The following SEMA3A variants were observed in gnomAD, a reference collection of about 807,000 sequenced individuals.
The protein encoded by SEMA3A is semaphorin-3A.
Under a neutral mutation model 97.9 loss-of-function variants are expected in SEMA3A, and 29 were observed. The observed-to-expected ratio is 0.30, with a 90% CI of 0.22 to 0.40. SEMA3A has a LOEUF of 0.40. Among genes scored for constraint, SEMA3A ranks in the 10% least tolerant of loss-of-function variants. SEMA3A has a pLI of 1.00. For synonymous variants in SEMA3A, 321 were observed against 323.7 expected (o/e 0.99, Z 0.09); for missense variants, 763 against 951.3 (o/e 0.80, Z 2.60).
intron 1 of SEMA3A, among the ~76,000 whole-genome samples, chr7:84,383,587 G>A (rs2706905): frequency 6.6e-6 from 1 of 151,944 alleles, no homozygotes; most frequent in Non-Finnish European, 1.5e-5. Context: ...ACCTGAGAAG[G>A]CATCTAATTA....
chr7:84,264,157 T>C (rs951430259), intron 3 of SEMA3A, among the ~76,000 whole-genome samples: 13 of 152,202 alleles, frequency 8.5e-5, no homozygotes, highest in Admixed American at 6.5e-5. Context: ...ATATTTTAAA[T>C]GCTTATAAGT....
intron 1 of SEMA3A, among the ~76,000 whole-genome samples, chr7:84,468,670 CAAG>C (rs1478644178): frequency 6.6e-6 from 1 of 151,922 alleles, no homozygotes; most frequent in African/African-American, 2.4e-5. Flanking sequence ...TAATATCAGT[CAAG>C]AAGAATGAAT....
chr7:84,157,548 T>G (rs2116150424), intron 1 of SEMA3A, among the ~76,000 whole-genome samples: 1 of 152,342 alleles, frequency 6.6e-6, no homozygotes, highest in South Asian at 2.1e-4. Flanking sequence ...TCTTATCTAC[T>G]TTGTTTGCAT....
chr7:84,292,859 GTTAT>G (rs577598139), intron 3 of SEMA3A, among the ~76,000 whole-genome samples: 27 of 152,024 alleles, frequency 1.8e-4, no homozygotes, highest in African/African-American at 5.8e-4. Context: ...TATTTTATAG[GTTAT>G]TTATGTTGTG....
At chr7:84,022,703 C>G (rs1356492240) in intron 6 of SEMA3A, among the ~76,000 whole-genome samples, 2 of 152,176 alleles carry the variant, frequency 1.3e-5, no homozygotes, top group Non-Finnish European at 2.9e-5. Context: ...TCCATTTTAG[C>G]AAGATCAAAG....
chr7:84,106,774 G>A (rs1795121446), intron 4 of SEMA3A, among the ~76,000 whole-genome samples: 1 of 152,068 alleles, frequency 6.6e-6, no homozygotes, highest in Non-Finnish European at 1.5e-5. Context: ...TCCTGACAAT[G>A]GAGTTTCAAC....
At chr7:84,318,150 T>G (rs1193905693) in intron 2 of SEMA3A, among the ~76,000 whole-genome samples, 1 of 151,942 alleles carries the variant, frequency 6.6e-6, no homozygotes, top group African/African-American at 2.4e-5. Context: ...AATATACATT[T>G]TTATATTTAG....
chr7:84,181,319 A>AATATATAT (rs56661080), intron 1 of SEMA3A, among the ~76,000 whole-genome samples: 2 of 144,746 alleles, frequency 1.4e-5, no homozygotes, highest in East Asian at 2.0e-4. Flanking sequence ...TAATGTTACA[A>AATATATAT]ATATATATAT....
intron 1 of SEMA3A, among the ~76,000 whole-genome samples, chr7:84,376,661 T>G (rs1045182384): frequency 3.3e-5 from 5 of 151,246 alleles, no homozygotes; most frequent in Non-Finnish European, 5.9e-5. Context: ...CCAGTATTTG[T>G]TACTCTTTCT....
chr7:84,102,592 T>C (rs1169973600), intron 4 of SEMA3A, among the ~76,000 whole-genome samples: 2 of 138,188 alleles, frequency 1.4e-5, no homozygotes, highest in African/African-American at 5.7e-5. Flanking sequence ...TTATCGCTTT[T>C]TTTTTTTTTT....
At chr7:84,074,124 A>T (rs1793852487) in intron 4 of SEMA3A, among the ~76,000 whole-genome samples, 1 of 152,122 alleles carries the variant, frequency 6.6e-6, no homozygotes, top group Non-Finnish European at 1.5e-5. Flanking sequence ...ACATACTATT[A>T]TATGGAATTC....
intron 1 of SEMA3A, among the ~76,000 whole-genome samples, chr7:84,405,850 T>C (rs375896776): frequency 5.3e-5 from 8 of 152,054 alleles, no homozygotes; most frequent in Admixed American, 2.0e-4. Flanking sequence ...TTGAAACCAA[T>C]GAGAACAAAG....
At chr7:83,975,693 AC>A (rs1365717674) in intron 15 of SEMA3A, among the ~76,000 whole-genome samples, 2 of 152,284 alleles carry the variant, frequency 1.3e-5, no homozygotes, top group Non-Finnish European at 2.9e-5. Flanking sequence ...TGGTTCAGTT[AC>A]ATTCTCCTGA....
rs565502955 is a variant in SEMA3A, at chr7:84,381,507, G to A, written c.-245-9607C>T. Reference sequence around the variant, plus strand: ...AAAACAGTCTAACTCAAAATCTCTGGCCTTCAGACATCAAAACATACAGAA... The same window carrying A: ...AAAACAGTCTAACTCAAAATCTCTGACCTTCAGACATCAAAACATACAGAA... On this transcript the variant is annotated intron_variant, in intron 1 of 3. Transcript: ENST00000424555. Among the ~76,000 whole-genome samples, 3 of 152,192 alleles carry A rather than the reference G, an allele frequency of 2.0e-5. No individual in the cohort carries two copies. The South Asian group carries it at 6.2e-4, about 32-fold the overall frequency.
chr7:84,441,030 T>A (rs1266670755), intron 1 of SEMA3A, among the ~76,000 whole-genome samples: 2 of 151,950 alleles, frequency 1.3e-5, no homozygotes, highest in Non-Finnish European at 2.9e-5. Flanking sequence ...TCGGGGCGCA[T>A]GCCTGTAATC....
chr7:84,011,725 T>C (rs1790882428), intron 7 of SEMA3A, among the ~76,000 whole-genome samples: 1 of 152,156 alleles, frequency 6.6e-6, no homozygotes, highest in East Asian at 1.9e-4. Context: ...TAATAATGTA[T>C]TATACATTTC....
chr7:84,344,497 G>A (rs1802247459), intron 2 of SEMA3A, among the ~76,000 whole-genome samples: 1 of 152,090 alleles, frequency 6.6e-6, no homozygotes, highest in Non-Finnish European at 1.5e-5. Flanking sequence ...CTGAGTTGAG[G>A]ATATAGGACT....
chr7:84,015,386 A>G (rs968718683), intron 6 of SEMA3A, among the ~76,000 whole-genome samples: 6 of 152,332 alleles, frequency 3.9e-5, no homozygotes, highest in Admixed American at 6.5e-5. Flanking sequence ...CACAGAATGT[A>G]TATCAGCAAT....
chr7:84,072,982 C>T (rs1483785296), intron 4 of SEMA3A, among the ~76,000 whole-genome samples: 8 of 152,068 alleles, frequency 5.3e-5, no homozygotes, highest in African/African-American at 1.9e-4. Context: ...ACATCTTTTT[C>T]CAAAAACATG....
Sources: allele counts gnomAD v4.1 joint callset (sites outside exome capture counted in the v4.1 genomes callset), GRCh38; gene constraint gnomAD v4.1.1; transcripts MANE v1.5; gene names NCBI Gene and HGNC (gene_info 2026-07-23, HGNC 2026-07-21).